The following NXPH1 variants were observed in gnomAD, a reference collection of about 807,000 sequenced individuals.
The protein encoded by NXPH1 is neurexophilin 1, also known as neurexophilin-1.
A neutral mutation model predicts 23.7 loss-of-function variants in NXPH1; 5 were observed. The ratio of observed to expected loss-of-function variants is 0.21; its 90% CI spans 0.11 to 0.44. The LOEUF (loss-of-function observed/expected upper bound fraction) is 0.44. Among genes scored for constraint, NXPH1 ranks in the 20% least tolerant of loss-of-function variants. The pLI is 0.99. For synonymous variants in NXPH1, 144 were observed against 122.2 expected, an observed-to-expected ratio of 1.18 and a Z score of -1.18; for missense variants, 324 against 321.6, an observed-to-expected ratio of 1.01 and a Z score of -0.06.
chr7:8,583,426 G>A (rs1315804097), intron 2 of NXPH1, among the ~76,000 whole-genome samples: 2 of 152,184 alleles, frequency 1.3e-5, no homozygotes, highest in African/African-American at 4.8e-5. Context: ...GATAATAATA[G>A]TACCTGTATC....
chr7:8,453,757 C>T (rs1023768709), intron 2 of NXPH1, among the ~76,000 whole-genome samples: 1 of 152,002 alleles, frequency 6.6e-6, no homozygotes, highest in Admixed American at 6.6e-5. Context: ...TGATCTTGTT[C>T]TTTTTTATGG....
intron 2 of NXPH1, among the ~76,000 whole-genome samples, chr7:8,538,437 T>C (rs1360941173): frequency 6.6e-6 from 1 of 151,938 alleles, no homozygotes; most frequent in Non-Finnish European, 1.5e-5. Context: ...AATTCTGATA[T>C]TCTCTTTCTG....
chr7:8,614,892 G>A (rs1819702362), intron 2 of NXPH1, among the ~76,000 whole-genome samples: 1 of 151,970 alleles, frequency 6.6e-6, no homozygotes, highest in South Asian at 2.1e-4. Flanking sequence ...ATGCCTCAAA[G>A]TAACACTAAA....
At chr7:8,715,290 C>G (rs557900429) in intron 2 of NXPH1, among the ~76,000 whole-genome samples, 1 of 152,038 alleles carries the variant, frequency 6.6e-6, no homozygotes, top group Non-Finnish European at 1.5e-5. Context: ...TACCACATGG[C>G]GAACTGCTGT....
intron 2 of NXPH1, among the ~76,000 whole-genome samples, chr7:8,610,179 A>G (rs1819585928): frequency 6.6e-6 from 1 of 152,284 alleles, no homozygotes; most frequent in African/African-American, 2.4e-5. Flanking sequence ...TATGATTCCA[A>G]TTAAGGGAAG....
At chr7:8,453,262 A>G (rs750726623) in intron 2 of NXPH1, among the ~76,000 whole-genome samples, 1 of 152,172 alleles carries the variant, frequency 6.6e-6, no homozygotes, top group Non-Finnish European at 1.5e-5. Flanking sequence ...GAGCTGAACA[A>G]TTGACATGCG....
At chr7:8,569,004 C>T (rs1011157175) in intron 2 of NXPH1, among the ~76,000 whole-genome samples, 2 of 151,752 alleles carry the variant, frequency 1.3e-5, no homozygotes, top group Non-Finnish European at 2.9e-5. Flanking sequence ...AAAATATTGA[C>T]CCTTGACAAT....
At position 8,571,003 on chromosome 7, in the gene NXPH1, GTCTA is replaced by G. The variant is rs200729847; in HGVS notation, c.54+135240_54+135243del. 5.4e-3 allele frequency among the ~76,000 whole-genome samples: 801 copies of G among 149,156 alleles called. 9 individuals are homozygous for G. The highest frequency in any genetic ancestry group is 0.018 in the African/African-American group (741 of 40,796). On this transcript the variant is annotated intron_variant, in intron 2 of 2. Coordinates refer to ENST00000405863, the MANE Select transcript of NXPH1 (RefSeq NM_152745.3). The stretch of plus-strand genomic sequence containing the variant: ...CAACAGAATCAGTATATATATGTCT[GTCTA>G]TCTGTCTGTCTATCTAATCTAATCT...
intron 2 of NXPH1, among the ~76,000 whole-genome samples, chr7:8,637,237 T>G (rs1297527198): frequency 6.6e-6 from 1 of 151,834 alleles, no homozygotes; most frequent in African/African-American, 2.4e-5. Flanking sequence ...TTTTTTTTTT[T>G]TGAGAGAGAG....
rs567222154 is a variant in NXPH1, at chr7:8,589,578, A to T, written c.54+153811A>T. 8.9e-4 allele frequency among the ~76,000 whole-genome samples: 136 copies of T among 152,092 alleles called. 1 individual carries two copies. The highest frequency in any genetic ancestry group is 3.1e-3 in the African/African-American group (129 of 41,500). On this transcript the variant is annotated intron_variant, in intron 2 of 2. Coordinates refer to ENST00000405863, the MANE Select transcript of NXPH1 (RefSeq NM_152745.3). ...TGAGGAGATCAGCTTCTGATGCTGG[A>T]CTCCAGGGGCAGGAGACAAGAGCAT...
At chr7:8,651,246 T>C (rs1401774371) in intron 2 of NXPH1, among the ~76,000 whole-genome samples, 2 of 128,456 alleles carry the variant, frequency 1.6e-5, no homozygotes, top group Non-Finnish European at 3.3e-5. Context: ...CTTGCGATAG[T>C]TTACTGAGAA....
At chr7:8,619,905 TACA>T (rs1320032964) in intron 2 of NXPH1, among the ~76,000 whole-genome samples, 11 of 152,194 alleles carry the variant, frequency 7.2e-5, no homozygotes, top group African/African-American at 2.2e-4. Context: ...CTCAACTACC[TACA>T]ACAAGTATGT....
chr7:8,565,392 G>A (rs1050444447), intron 2 of NXPH1, among the ~76,000 whole-genome samples: 55 of 151,794 alleles, frequency 3.6e-4, no homozygotes, highest in African/African-American at 1.3e-3. Context: ...GAAGACATAA[G>A]TCAATAGAGA....
intron 2 of NXPH1, among the ~76,000 whole-genome samples, chr7:8,731,596 G>C (rs560134631): frequency 1.3e-5 from 2 of 152,034 alleles, no homozygotes; most frequent in South Asian, 2.1e-4. Flanking sequence ...TGGAGTACTC[G>C]GCTGTGTGAG....
intron 2 of NXPH1, among the ~76,000 whole-genome samples, chr7:8,514,022 C>G (rs1339312051): frequency 1.3e-5 from 2 of 152,096 alleles, no homozygotes; most frequent in Non-Finnish European, 2.9e-5. Context: ...TGTTTTCTCT[C>G]TGTGCATCTC....
chr7:8,527,827 A>G (rs1320898894), intron 2 of NXPH1, among the ~76,000 whole-genome samples: 2 of 152,218 alleles, frequency 1.3e-5, no homozygotes, highest in African/African-American at 2.4e-5. Context: ...GACACCCACA[A>G]CTTGATACAC....
rs142836969 is a variant in NXPH1 at position 8,676,018 on chromosome 7, A to C, written c.55-74990A>C. On this transcript the variant is annotated intron_variant, in intron 2 of 2. Coordinates refer to ENST00000405863, the MANE Select transcript of NXPH1 (RefSeq NM_152745.3). ...ACAAATCTCTAGGGATAGGCTTTAG[A>C]TTTGCAAGCAGAGTCTGGATGTTTT... Among the ~76,000 whole-genome samples, 527 of 152,196 alleles carry C rather than the reference A, an allele frequency of 3.5e-3. 1 individual carries two copies. The highest frequency in any genetic ancestry group is 5.6e-3 in the Non-Finnish European group (380 of 68,012).
chr7:8,467,586 T>C (rs1474367583), intron 2 of NXPH1, among the ~76,000 whole-genome samples: 1 of 152,174 alleles, frequency 6.6e-6, no homozygotes, highest in Non-Finnish European at 1.5e-5. Flanking sequence ...GAGGGATATA[T>C]AGCGGTGGGG....
intron 2 of NXPH1, among the ~76,000 whole-genome samples, chr7:8,437,595 C>T (rs1563309981): frequency 6.6e-6 from 1 of 152,190 alleles, no homozygotes; most frequent in Non-Finnish European, 1.5e-5. Context: ...GGAAAATAAT[C>T]TATCAAAAGC....
Sources: gnomAD v4.1 joint callset for allele counts (sites outside exome capture counted in the v4.1 genomes callset) on GRCh38, gnomAD v4.1.1 for gene constraint, MANE v1.5 for transcripts, NCBI Gene and HGNC (gene_info 2026-07-23, HGNC 2026-07-21) for gene names.